Variants in CD200 observed in about 807,000 individuals in gnomAD.
The protein encoded by CD200 is OX-2 membrane glycoprotein.
CD200 carries 15 observed loss-of-function variants against 30.9 expected under a neutral mutation model. That is an observed-to-expected ratio of 0.49 (90% CI 0.32 to 0.75). The LOEUF (loss-of-function observed/expected upper bound fraction) is 0.75, where lower values mean the gene tolerates loss of function less well. CD200 is among the 30% of genes least tolerant of loss of function. The probability of loss-of-function intolerance (pLI) is 0.03; values close to 1 mark genes in which losing one functional copy is unlikely to be tolerated. For synonymous variants in CD200, 134 were observed against 126.2 expected (o/e 1.06, Z -0.41); for missense variants, 262 against 324.2 (o/e 0.81, Z 1.47).
chr3:112,335,084 G>A (rs2081082727), intron 1 of CD200, among the ~76,000 whole-genome samples: 1 of 152,182 alleles, frequency 6.6e-6, no homozygotes, highest in Non-Finnish European at 1.5e-5. Context: ...AATGTGTTGG[G>A]TGGGCACTGG....
intron 5 of CD200, 22 bp downstream of exon 5, chr3:112,349,841 A>G: frequency 6.3e-7 from 1 of 1,582,334 alleles, no homozygotes; most frequent in Non-Finnish European, 8.6e-7. Flanking sequence ...CAGGGAGTTC[A>G]AAAAATGACA....
chr3:112,345,639 G>A (rs1043666165), intron 3 of CD200, among the ~76,000 whole-genome samples: 8 of 152,168 alleles, frequency 5.3e-5, no homozygotes, highest in African/African-American at 1.9e-4. Flanking sequence ...CTCTCCACTG[G>A]AGTTTCATTG....
intron 4 of CD200, among the ~76,000 whole-genome samples, chr3:112,348,872 A>G (rs1318308294): frequency 6.8e-6 from 1 of 147,662 alleles, no homozygotes; most frequent in Non-Finnish European, 1.5e-5. Flanking sequence ...CCTAAAAAAG[A>G]ATGTCTTTTT....
chr3:112,341,178 T>G (rs750080318), intron 2 of CD200, among the ~76,000 whole-genome samples, 195 bp downstream of exon 2: 4 of 152,242 alleles, frequency 2.6e-5, no homozygotes, highest in Admixed American at 6.5e-5. Flanking sequence ...AAGCACACTT[T>G]GATATTTAGA....
intron 5 of CD200, among the ~76,000 whole-genome samples, chr3:112,355,884 A>G: frequency 6.8e-6 from 1 of 146,362 alleles, no homozygotes; most frequent in Non-Finnish European, 1.5e-5. Flanking sequence ...TTAAGAAATA[A>G]AAGTATGTTC....
At chr3:112,333,120 C>T, upstream of CD200, 1 of 1,528,078 alleles carries the variant, frequency 6.5e-7, no homozygotes, top group East Asian at 2.5e-5. Flanking sequence ...GGAGGTGCGG[C>T]AGGGGCACAG....
intron 2 of CD200, among the ~76,000 whole-genome samples, chr3:112,342,306 CT>C (rs1559782704): frequency 0.022 from 1,206 of 54,002 alleles, 146 homozygotes; most frequent in Middle Eastern, 0.067. Flanking sequence ...TCCTTCCTTC[CT>C]TTCTTCTTTC....
intron 1 of CD200, chr3:112,333,702 G>C: frequency 2.0e-6 from 2 of 985,442 alleles, no homozygotes; most frequent in Middle Eastern, 5.2e-4. Context: ...CGCTTTCTCC[G>C]GGAGAGCTCC....
chr3:112,350,716 G>A (rs1299548546), intron 5 of CD200, among the ~76,000 whole-genome samples: 1 of 152,158 alleles, frequency 6.6e-6, no homozygotes, highest in Non-Finnish European at 1.5e-5. Flanking sequence ...TAGGGGTCAG[G>A]AAAGAAAAAT....
chr3:112,349,426 A>G (rs978151703), intron 4 of CD200, among the ~76,000 whole-genome samples: 3 of 152,190 alleles, frequency 2.0e-5, no homozygotes, highest in Admixed American at 6.5e-5. Flanking sequence ...GATCTCAGTT[A>G]AATTCTCAAA....
chr3:112,336,467 A>C (rs1480608801), intron 1 of CD200, among the ~76,000 whole-genome samples: 2 of 152,150 alleles, frequency 1.3e-5, no homozygotes, highest in African/African-American at 4.8e-5. Context: ...GAATTCCAGC[A>C]GGGAAGTCAT....
Position 112,349,726 on chromosome 3 carries a change from G to C in CD200, c.709G>C (p.Val237Leu). The change falls in exon 5 of 6, where the codon GTT becomes CTT. Residue 237 changes from valine to leucine, a missense_variant. By Grantham distance (32) the Val-to-Leu change is conservative. Coordinates refer to ENST00000315711, the MANE Select transcript of CD200 (RefSeq NM_005944.7). Reference protein sequence around the residue: ...QTVNKGYWFSVPLLLSIVSLV... With the variant: ...QTVNKGYWFSLPLLLSIVSLV... Reference sequence around the variant, plus strand: ...AATATCTATAGGCTATTGGTTTTCAGTTCCGCTATTGCTAAGCATTGTTTC... The same window carrying C: ...AATATCTATAGGCTATTGGTTTTCACTTCCGCTATTGCTAAGCATTGTTTC... 1 of 1,611,614 alleles carries C rather than the reference G, an allele frequency of 6.2e-7. No individual in the cohort carries two copies. Among genetic ancestry groups the C allele is most frequent in the African/African-American group, 1.3e-5 (1 of 74,906 alleles).
chr3:112,344,222 C>G (rs1057223946), intron 2 of CD200, among the ~76,000 whole-genome samples: 2 of 151,956 alleles, frequency 1.3e-5, no homozygotes, highest in African/African-American at 4.8e-5. Flanking sequence ...TTTATTATTT[C>G]TCTTTCATTG....
intron 1 of CD200, among the ~76,000 whole-genome samples, chr3:112,337,214 AC>A (rs1243363326): frequency 1.3e-5 from 2 of 152,030 alleles, no homozygotes; most frequent in Non-Finnish European, 2.9e-5. Flanking sequence ...GGGAGATGGG[AC>A]CCCTTTGGCA....
At chr3:112,339,966 A>T (rs1182972140) in intron 1 of CD200, among the ~76,000 whole-genome samples, 1 of 152,188 alleles carries the variant, frequency 6.6e-6, no homozygotes, top group Non-Finnish European at 1.5e-5. Flanking sequence ...TGGGACAATT[A>T]TGGGGTATTG....
At chr3:112,348,441 C>T (rs1049203478) in intron 4 of CD200, among the ~76,000 whole-genome samples, 8 of 152,076 alleles carry the variant, frequency 5.3e-5, no homozygotes, top group Admixed American at 1.3e-4. Context: ...TCCCTTTTTG[C>T]TTTCTTGTGT....
At chr3:112,349,103 T>C (rs1371940420) in intron 4 of CD200, among the ~76,000 whole-genome samples, 1 of 152,216 alleles carries the variant, frequency 6.6e-6, no homozygotes, top group East Asian at 1.9e-4. Flanking sequence ...ATGGAGAAGA[T>C]GCTAGAGACT....
At chr3:112,360,162 T>C (rs1201257817) in intron 5 of CD200, among the ~76,000 whole-genome samples, 2 of 152,044 alleles carry the variant, frequency 1.3e-5, no homozygotes, top group South Asian at 2.1e-4. Context: ...ACCCCATCTC[T>C]ACTGAAAATA....
intron 5 of CD200, among the ~76,000 whole-genome samples, chr3:112,357,893 T>G (rs2081657739): frequency 6.6e-6 from 1 of 152,212 alleles, no homozygotes; most frequent in African/African-American, 2.4e-5. Flanking sequence ...ATTTCTAATA[T>G]TAAACATTGA....
Sources: allele counts gnomAD v4.1 joint callset (sites outside exome capture counted in the v4.1 genomes callset), GRCh38; gene constraint gnomAD v4.1.1; transcripts MANE v1.5; gene names NCBI Gene and HGNC (gene_info 2026-07-23, HGNC 2026-07-21).